Variants in SORCS2 observed in about 807,000 individuals in gnomAD.
The protein encoded by SORCS2 is VPS10 domain-containing receptor SorCS2.
In SORCS2, 100 loss-of-function variants were observed where a neutral mutation model predicts 141.6. That is an observed-to-expected ratio of 0.71 (90% confidence interval 0.60 to 0.83). The LOEUF (loss-of-function observed/expected upper bound fraction) is 0.83, where lower values mean the gene tolerates loss of function less well. SORCS2 is among the 40% of genes least tolerant of loss of function. The probability of loss-of-function intolerance (pLI) is 0.00; values close to 1 mark genes in which losing one functional copy is unlikely to be tolerated. For synonymous variants in SORCS2, 789 were observed against 676.9 expected (o/e 1.17, Z -2.57); for missense variants, 1,646 against 1,560.2 (o/e 1.05, Z -0.93).
intron 4 of SORCS2, among the ~76,000 whole-genome samples, chr4:7,646,508 T>C (rs1325559564): frequency 6.6e-6 from 1 of 150,708 alleles, no homozygotes; most frequent in African/African-American, 2.4e-5. Context: ...GAGGCGGGAG[T>C]GGTGGTGCAC....
intron 2 of SORCS2, among the ~76,000 whole-genome samples, chr4:7,435,620 G>C (rs1727246696): frequency 6.6e-6 from 1 of 152,252 alleles, no homozygotes; most frequent in African/African-American, 2.4e-5. Flanking sequence ...CTGAGTGTGG[G>C]CTGGTCTGTA....
intron 3 of SORCS2, among the ~76,000 whole-genome samples, chr4:7,555,591 A>G (rs1714049571): frequency 6.6e-6 from 1 of 152,238 alleles, no homozygotes; most frequent in African/African-American, 2.4e-5. Flanking sequence ...ATCGGATGAA[A>G]ACAGACATAG....
intron 1 of SORCS2, among the ~76,000 whole-genome samples, chr4:7,388,678 G>A (rs1279374772): frequency 1.3e-5 from 2 of 152,112 alleles, no homozygotes; most frequent in Non-Finnish European, 1.5e-5. Flanking sequence ...CATGTCACAC[G>A]AAACTCACCT....
intron 3 of SORCS2, among the ~76,000 whole-genome samples, chr4:7,633,159 G>A (rs2108851957): frequency 6.6e-6 from 1 of 152,334 alleles, no homozygotes; most frequent in South Asian, 2.1e-4. Flanking sequence ...AGTGGCAGGA[G>A]TGGGGGTGTC....
intron 3 of SORCS2, among the ~76,000 whole-genome samples, chr4:7,544,063 T>G (rs767872389): frequency 9.1e-6 from 1 of 109,944 alleles, no homozygotes; most frequent in Non-Finnish European, 2.0e-5. Flanking sequence ...CACCCACCCA[T>G]CCATCCACCC....
At chr4:7,303,385 C>T (rs1717570618) in intron 1 of SORCS2, among the ~76,000 whole-genome samples, 1 of 152,302 alleles carries the variant, frequency 6.6e-6, no homozygotes, top group African/African-American at 2.4e-5. Context: ...CCAGTCCTCC[C>T]TTTTCTAAAA....
rs574914428 is a variant in SORCS2 at position 7,386,073 on chromosome 4, A to G, written c.481-10215A>G. Among the ~76,000 whole-genome samples, 226 of 152,316 alleles carry G rather than the reference A, an allele frequency of 1.5e-3. 1 individual carries two copies. Among genetic ancestry groups the G allele is most frequent in the African/African-American group, 5.2e-3 (214 of 41,546 alleles). ...TTTGGAGTGGCTCTGTTGCCTGCGC[A>G]TACACATACACATATGCACACATGC... On this transcript the variant is annotated intron_variant, in intron 1 of 26. Coordinates refer to ENST00000507866, the MANE Select transcript of SORCS2 (RefSeq NM_020777.3).
intron 3 of SORCS2, among the ~76,000 whole-genome samples, chr4:7,576,142 GGAGA>G (rs1406486873): frequency 6.6e-6 from 1 of 152,204 alleles, no homozygotes; most frequent in Non-Finnish European, 1.5e-5. Context: ...AGCGTGCGAG[GGAGA>G]GAAAGGTCAA....
At position 7,720,994 on chromosome 4, in the gene SORCS2, A is replaced by G. The variant is rs114656549; in HGVS notation, c.2425-2703A>G. Among the ~76,000 whole-genome samples, 1,451 of 152,352 alleles carry G rather than the reference A, an allele frequency of 9.5e-3. 9 individuals are homozygous for G. Among genetic ancestry groups the G allele is most frequent in the Middle Eastern group, 0.034 (10 of 294 alleles). On this transcript the variant is annotated intron_variant, in intron 18 of 26. Coordinates refer to ENST00000507866, the MANE Select transcript of SORCS2 (RefSeq NM_020777.3). ...GAGCACTTGCACTCATGGCGGTCAT[A>G]TCAGAGTAATGAAGACTTCTGTTCA...
At chr4:7,570,197 A>G (rs1253829134) in intron 3 of SORCS2, among the ~76,000 whole-genome samples, 1 of 152,220 alleles carries the variant, frequency 6.6e-6, no homozygotes, top group South Asian at 2.1e-4. Context: ...TGAGTGATGG[A>G]TTAGAACGCA....
intron 3 of SORCS2, among the ~76,000 whole-genome samples, chr4:7,548,924 G>A (rs1156481066): frequency 6.6e-6 from 1 of 152,200 alleles, no homozygotes; most frequent in Non-Finnish European, 1.5e-5. Flanking sequence ...CACTTTCTGA[G>A]CCAAGATGCC....
Position 7,712,652 on chromosome 4 carries a change from C to G in SORCS2, c.1869-81C>G. On this transcript the variant is annotated intron_variant, in intron 14 of 26. Transcript: ENST00000507866. ...CCCATGGTACAGGTAGGAACAGAGT[C>G]CAGAGGGGACATGATTTGCACAGTA... 3 of 1,580,152 alleles carry G rather than the reference C, an allele frequency of 1.9e-6. No homozygotes were observed. In the Admixed American group the frequency reaches 5.0e-5, roughly 27 times the overall value.
chr4:7,264,488 G>A (rs115618513), intron 1 of SORCS2, among the ~76,000 whole-genome samples: 193 of 152,038 alleles, frequency 1.3e-3, no homozygotes, highest in African/African-American at 4.4e-3. Context: ...GGACCCCGTC[G>A]AGTGTCTCCC....
chr4:7,376,874 A>G (rs1365271765), intron 1 of SORCS2, among the ~76,000 whole-genome samples: 1 of 152,202 alleles, frequency 6.6e-6, no homozygotes, highest in Non-Finnish European at 1.5e-5. Context: ...GTCCTCTGGA[A>G]GGGGCAGGGT....
At chr4:7,490,751 C>T (rs1403398744) in intron 2 of SORCS2, among the ~76,000 whole-genome samples, 2 of 152,168 alleles carry the variant, frequency 1.3e-5, no homozygotes, top group African/African-American at 4.8e-5. Flanking sequence ...AATGGCTATG[C>T]CTGTGAGGCC....
In SORCS2 at chr4:7,257,720, C is replaced by T. The variant is rs1713996393; in HGVS notation, c.480+64594C>T. Reference sequence around the variant, plus strand: ...TCCCGAAAGGTGCCATGTGCTCTACCCCATGTGTGCCCACTCTCCTCTGGC... The same window carrying T: ...TCCCGAAAGGTGCCATGTGCTCTACTCCATGTGTGCCCACTCTCCTCTGGC... On this transcript the variant is annotated intron_variant, in intron 1 of 26. Transcript: ENST00000507866. Among the ~76,000 whole-genome samples the T allele has an allele frequency of 2.6e-5, 4 of 152,184 alleles. No individual in the cohort carries two copies. The South Asian group carries it at 6.2e-4, about 24-fold the overall frequency.
chr4:7,514,123 TG>T (rs1352990257), intron 2 of SORCS2, among the ~76,000 whole-genome samples: 5 of 152,026 alleles, frequency 3.3e-5, no homozygotes, highest in African/African-American at 1.2e-4. Context: ...AAGGGGTGGC[TG>T]ATGTTGGAAG....
In SORCS2 at chr4:7,734,662, C is replaced by T. The variant is rs180976858; in HGVS notation, c.3311+288C>T. Among the ~76,000 whole-genome samples, 866 of 152,324 alleles carry T rather than the reference C, an allele frequency of 5.7e-3. 5 individuals carry two copies. The highest frequency in any genetic ancestry group is 0.02 in the African/African-American group (832 of 41,554). ...CCATCATGCTGTTCAGCCCCACCCA[C>T]CTCACAGGGAGGACACTGCCCATCT... On this transcript the variant is annotated intron_variant, in intron 25 of 26. Coordinates refer to ENST00000507866, the MANE Select transcript of SORCS2 (RefSeq NM_020777.3).
At chr4:7,313,252 A>T (rs1480545445) in intron 1 of SORCS2, among the ~76,000 whole-genome samples, 1 of 152,284 alleles carries the variant, frequency 6.6e-6, no homozygotes, top group African/African-American at 2.4e-5. Context: ...CGCTGTGGGC[A>T]TGATCTGGTT....
Sources: gnomAD v4.1 joint callset for allele counts (sites outside exome capture counted in the v4.1 genomes callset) on GRCh38, gnomAD v4.1.1 for gene constraint, MANE v1.5 for transcripts, NCBI Gene and HGNC (gene_info 2026-07-23, HGNC 2026-07-21) for gene names.